PTPN21: variants seen among roughly 807,000 people sequenced by gnomAD.
PTPN21 encodes protein tyrosine phosphatase non-receptor type 21, also known as tyrosine-protein phosphatase non-receptor type 21.
In PTPN21, 77 loss-of-function variants were observed where a neutral mutation model predicts 131.8. That is an observed-to-expected ratio of 0.58 (90% CI 0.49 to 0.71). The LOEUF is 0.71. Ranked by LOEUF, PTPN21 falls within the 30% of genes least tolerant of loss-of-function variation. PTPN21 has a pLI of 0.00. For synonymous variants in PTPN21, 715 were observed against 621.3 expected (o/e 1.15, Z -2.24); for missense variants, 1,552 against 1,527.1 (o/e 1.02, Z -0.27).
chr14:88,537,556 T>C (rs2078647959), intron 2 of PTPN21, among the ~76,000 whole-genome samples: 1 of 152,168 alleles, frequency 6.6e-6, no homozygotes. Context: ...ACAAAATTCC[T>C]GCCCTCACGT....
Position 88,525,799 on chromosome 14 carries a change from C to T in PTPN21, c.181-8538G>A, listed in dbSNP as rs112653828. Among the ~76,000 whole-genome samples the T allele has an allele frequency of 1.0e-3, 156 of 152,150 alleles. 1 individual carries two copies. Among genetic ancestry groups the T allele is most frequent in the African/African-American group, 3.2e-3 (132 of 41,504 alleles). On this transcript the variant is annotated intron_variant, in intron 2 of 18. Coordinates refer to ENST00000556564, the MANE Select transcript of PTPN21 (RefSeq NM_007039.4). ...CAATAACCAAAAGGTGGAAACAAGC[C>T]AAATGTCCATCAATAGATGAATGGA... is the stretch of plus-strand genomic sequence containing the variant.
In PTPN21 at chr14:88,479,284, T is replaced by G. The variant is rs866764105; in HGVS notation, c.2147A>C (p.Asp716Ala). 6.6e-7 allele frequency: 1 copy of G among 1,505,450 alleles called. No individual in the cohort carries two copies. The highest frequency in any genetic ancestry group is 1.4e-5 in the African/African-American group (1 of 71,532). The allele number at this position is 1,505,450 out of a possible 1,614,324, so 93.3% of individuals were successfully genotyped here. The change falls in exon 13 of 19, where the codon GAC becomes GCC. Residue 716 changes from aspartate to alanine, a missense_variant. Asp to Ala is a moderately radical substitution (Grantham distance 126). Transcript: ENST00000556564. ...MLIHSSEEEEDEDFEEESGAR... is the reference protein window; with the variant it reads ...MLIHSSEEEEAEDFEEESGAR... ...CCCGCTCTCCTCCTCGAAGTCCTCG[T>G]CCTCCTCCTCCTCGCTGCTGTGGAT... is the stretch of plus-strand genomic sequence containing the variant.
At chr14:88,496,127 T>C (rs1051993048) in intron 10 of PTPN21, among the ~76,000 whole-genome samples, 1 of 152,232 alleles carries the variant, frequency 6.6e-6, no homozygotes, top group Admixed American at 6.5e-5. Flanking sequence ...GAATAATCTT[T>C]AATGACTCAA....
intron 12 of PTPN21, among the ~76,000 whole-genome samples, chr14:88,481,790 C>T (rs2077656621): frequency 6.6e-6 from 1 of 152,170 alleles, no homozygotes; most frequent in African/African-American, 2.4e-5. Flanking sequence ...GTCCAGCTTC[C>T]ATCAGAAGTG....
At chr14:88,550,640 T>C (rs990441909) in intron 1 of PTPN21, 21 bp from the exon 2 acceptor site, 6 of 478,616 alleles carry the variant, frequency 1.3e-5, no homozygotes, top group Admixed American at 3.7e-5. Context: ...AGGAACGCCG[T>C]TAGTTAAGCA....
intron 11 of PTPN21, among the ~76,000 whole-genome samples, chr14:88,485,577 A>C (rs1242365997): frequency 6.6e-6 from 1 of 152,018 alleles, no homozygotes; most frequent in Non-Finnish European, 1.5e-5. Flanking sequence ...TTAAGGTCAG[A>C]CCTAATATTC....
chr14:88,525,621 G>T (rs2078463553), intron 2 of PTPN21, among the ~76,000 whole-genome samples: 1 of 152,172 alleles, frequency 6.6e-6, no homozygotes, highest in African/African-American at 2.4e-5. Context: ...AAATGGTTCA[G>T]CTGCTGTGGA....
intron 3 of PTPN21, among the ~76,000 whole-genome samples, chr14:88,509,744 CA>C (rs1160139893): frequency 1.3e-5 from 2 of 152,124 alleles, no homozygotes; most frequent in African/African-American, 2.4e-5. Flanking sequence ...AAATCAAAAA[CA>C]CTAGAAAGGG....
chr14:88,543,717 G>A (rs145227784), intron 2 of PTPN21, among the ~76,000 whole-genome samples: 2 of 152,182 alleles, frequency 1.3e-5, no homozygotes, highest in African/African-American at 4.8e-5. Context: ...AAAACATTTC[G>A]TAAAGATCTA....
chr14:88,508,399 C>G (rs2078130151), intron 3 of PTPN21, among the ~76,000 whole-genome samples: 1 of 152,092 alleles, frequency 6.6e-6, no homozygotes, highest in Admixed American at 6.6e-5. Flanking sequence ...AATCCTAGTG[C>G]TTGGATTCAA....
rs2078849403 is a variant in PTPN21 at position 88,550,491 on chromosome 14, G to C, written c.-74C>G. 7.1e-7 allele frequency: 1 copy of C among 1,417,696 alleles called. No individual in the cohort carries two copies. The highest frequency in any genetic ancestry group is 9.7e-7 in the Non-Finnish European group (1 of 1,031,452). 87.8% of individuals were successfully genotyped at this position (1,417,696 alleles called of 1,614,324 possible). A position where few individuals can be genotyped will look rare whatever the true frequency, so the allele number is the denominator to read the frequency against. On this transcript the variant is annotated 5_prime_UTR_variant, in exon 2 of 19. Coordinates refer to ENST00000556564, the MANE Select transcript of PTPN21 (RefSeq NM_007039.4). ...CACCAACCCAGCGCTGGTGACGCCA[G>C]GAGAAAGCGATCCTCTCCGGATGGG...
At chr14:88,472,121 C>T in intron 15 of PTPN21, 123 bp downstream of exon 15, 1 of 649,910 alleles carries the variant, frequency 1.5e-6, no homozygotes. Flanking sequence ...TTATCTAAAA[C>T]AATACAATAA....
chr14:88,550,489 C>T lies in PTPN21; in HGVS notation c.-72G>A. On this transcript the variant is annotated 5_prime_UTR_variant, in exon 2 of 19. Transcript: ENST00000556564. Reference sequence around the variant, plus strand: ...CCCACCAACCCAGCGCTGGTGACGCCAGGAGAAAGCGATCCTCTCCGGATG... The same window carrying T: ...CCCACCAACCCAGCGCTGGTGACGCTAGGAGAAAGCGATCCTCTCCGGATG... 7.1e-7 allele frequency: 1 copy of T among 1,417,188 alleles called. No homozygotes were observed. 87.8% of individuals were successfully genotyped at this position (1,417,188 alleles called of 1,614,324 possible).
chr14:88,523,346 G>C (rs904359452), intron 2 of PTPN21, among the ~76,000 whole-genome samples: 3 of 151,934 alleles, frequency 2.0e-5, no homozygotes, highest in African/African-American at 7.3e-5. Flanking sequence ...AAACACACAT[G>C]ATCATCTCAA....
At chr14:88,500,677 T>G in intron 8 of PTPN21, 106 bp downstream of exon 8, 7 of 753,992 alleles carry the variant, frequency 9.3e-6, no homozygotes, top group Non-Finnish European at 1.4e-5. Context: ...CATTTTTTAA[T>G]GAGACCTTGG....
intron 4 of PTPN21, among the ~76,000 whole-genome samples, chr14:88,506,676 C>T (rs1278966523): frequency 6.6e-6 from 1 of 152,094 alleles, no homozygotes. Flanking sequence ...AAAGTCTATA[C>T]ATGGGGTACA....
At chr14:88,546,603 T>C (rs530569716) in intron 2 of PTPN21, among the ~76,000 whole-genome samples, 1 of 150,496 alleles carries the variant, frequency 6.6e-6, no homozygotes, top group Admixed American at 6.6e-5. Context: ...AAATTGTCAT[T>C]ATAGAAGTGA....
At chr14:88,527,703 G>A (rs1449714028) in intron 2 of PTPN21, among the ~76,000 whole-genome samples, 1 of 152,002 alleles carries the variant, frequency 6.6e-6, no homozygotes, top group Non-Finnish European at 1.5e-5. Context: ...TTTGTTTTTG[G>A]GTTTTTGGTC....
chr14:88,524,726 A>G (rs2078448574), intron 2 of PTPN21, among the ~76,000 whole-genome samples: 1 of 152,148 alleles, frequency 6.6e-6, no homozygotes, highest in Non-Finnish European at 1.5e-5. Context: ...GCAACAAAGC[A>G]AGACCCTGTC....
Sources: allele counts gnomAD v4.1 joint callset (sites outside exome capture counted in the v4.1 genomes callset), GRCh38; gene constraint gnomAD v4.1.1; transcripts MANE v1.5; gene names NCBI Gene and HGNC (gene_info 2026-07-23, HGNC 2026-07-21).